The following DGCR2 variants were observed in gnomAD, a reference collection of about 807,000 sequenced individuals.
DGCR2 encodes the protein DiGeorge syndrome critical region gene 2.
A neutral mutation model predicts 51.6 loss-of-function variants in DGCR2; 24 were observed. The ratio of observed to expected loss-of-function variants is 0.47; its 90% CI spans 0.34 to 0.65. The LOEUF (loss-of-function observed/expected upper bound fraction) is 0.65, where lower values mean the gene tolerates loss of function less well. Among genes scored for constraint, DGCR2 ranks in the 30% least tolerant of loss-of-function variants. The probability of loss-of-function intolerance (pLI) is 0.01; values close to 1 mark genes in which losing one functional copy is unlikely to be tolerated. For missense variants in DGCR2, 765 were observed against 772.1 expected, an observed-to-expected ratio of 0.99 and a Z score of 0.11; for synonymous variants, 340 against 315.4, an observed-to-expected ratio of 1.08 and a Z score of -0.82.
intron 1 of DGCR2, among the ~76,000 whole-genome samples, chr22:19,094,826 C>T (rs182586093): frequency 3.9e-5 from 6 of 152,254 alleles, no homozygotes; most frequent in East Asian, 1.9e-4. Flanking sequence ...TAACACATTC[C>T]GCAGCATGGA....
intron 1 of DGCR2, among the ~76,000 whole-genome samples, chr22:19,092,197 A>C (rs1052707349): frequency 1.3e-5 from 2 of 152,140 alleles, no homozygotes; most frequent in Non-Finnish European, 2.9e-5. Context: ...TACAAAAATT[A>C]GCCAGGTGTG....
chr22:19,051,828 A>G (rs926074520), intron 6 of DGCR2, among the ~76,000 whole-genome samples: 16 of 152,250 alleles, frequency 1.1e-4, no homozygotes, highest in Non-Finnish European at 1.0e-4. Flanking sequence ...AAGAGGTTTT[A>G]ACATCAGTAG....
At chr22:19,076,256 G>A (rs572013057) in intron 2 of DGCR2, among the ~76,000 whole-genome samples, 4 of 149,414 alleles carry the variant, frequency 2.7e-5, no homozygotes, top group African/African-American at 7.7e-5. Context: ...CGCCTCCTGG[G>A]TTCAAGTGAT....
intron 1 of DGCR2, among the ~76,000 whole-genome samples, chr22:19,098,083 T>A (rs73158846): frequency 0.095 from 14,190 of 150,122 alleles, 721 homozygotes; most frequent in Middle Eastern, 0.15. Context: ...TCCAGACTTT[T>A]AAAAAAAAAA....
At chr22:19,043,665 G>A (rs2082457520) in intron 7 of DGCR2, among the ~76,000 whole-genome samples, 2 of 151,828 alleles carry the variant, frequency 1.3e-5, no homozygotes, top group Non-Finnish European at 2.9e-5. Flanking sequence ...AGCTAGGAAT[G>A]GCCACTCCCA....
In DGCR2 at chr22:19,095,530, G is replaced by A. The variant is rs945823265; in HGVS notation, c.80-6040C>T. Reference sequence around the variant, plus strand: ...CAAAAAATTAGCCGGGCGTGGTGGCGGGCGCCTGTAGTCCCAGCTACTCGG... The same window carrying A: ...CAAAAAATTAGCCGGGCGTGGTGGCAGGCGCCTGTAGTCCCAGCTACTCGG... On this transcript the variant is annotated intron_variant, in intron 1 of 9. Coordinates refer to ENST00000263196, the MANE Select transcript of DGCR2 (RefSeq NM_005137.3). Among the ~76,000 whole-genome samples, 11 of 151,662 alleles carry A rather than the reference G, an allele frequency of 7.3e-5. No homozygotes were observed. In the East Asian group the frequency reaches 1.2e-3, roughly 16 times the overall value.
At chr22:19,116,748 G>A (rs554244302) in intron 1 of DGCR2, among the ~76,000 whole-genome samples, 3 of 152,146 alleles carry the variant, frequency 2.0e-5, no homozygotes, top group African/African-American at 7.2e-5. Flanking sequence ...CAATCGGGTC[G>A]TCCTTATGCC....
chr22:19,093,998 C>A (rs979952711), intron 1 of DGCR2, among the ~76,000 whole-genome samples: 2 of 148,226 alleles, frequency 1.3e-5, no homozygotes, highest in Non-Finnish European at 3.0e-5. Context: ...AGCAAGACCT[C>A]CCCAACTCTA....
intron 1 of DGCR2, among the ~76,000 whole-genome samples, chr22:19,094,558 G>C (rs1010937536): frequency 2.0e-5 from 3 of 152,196 alleles, no homozygotes; most frequent in Non-Finnish European, 4.4e-5. Context: ...AAATGTAAAT[G>C]GTACAACTTC....
At chr22:19,053,260 A>G (rs2082568218) in intron 6 of DGCR2, among the ~76,000 whole-genome samples, 1 of 152,198 alleles carries the variant, frequency 6.6e-6, no homozygotes, top group African/African-American at 2.4e-5. Flanking sequence ...CTTAAGGCTC[A>G]GATACAGTTA....
At chr22:19,118,503 G>C (rs990442016) in intron 1 of DGCR2, among the ~76,000 whole-genome samples, 1 of 152,048 alleles carries the variant, frequency 6.6e-6, no homozygotes, top group South Asian at 2.1e-4. Flanking sequence ...AAAGAACCCT[G>C]AGCTAGCAGC....
intron 2 of DGCR2, among the ~76,000 whole-genome samples, chr22:19,086,253 G>T (rs1236674403): frequency 6.6e-6 from 1 of 151,954 alleles, no homozygotes; most frequent in Non-Finnish European, 1.5e-5. Context: ...CGAGGAGAGC[G>T]GATCACAAGG....
At chr22:19,058,592 T>C (rs2082628002) in intron 5 of DGCR2, among the ~76,000 whole-genome samples, 1 of 152,226 alleles carries the variant, frequency 6.6e-6, no homozygotes, top group Admixed American at 6.5e-5. Context: ...ATTTGCCTTC[T>C]TGTCCCGTGG....
chr22:19,037,709 T>C lies in DGCR2; in HGVS notation c.*1156A>G, dbSNP rs1022531814. ...CCGCTTAATCTCCAAACCTCAGAAA[T>C]GTTAAAGGCCCTGTGTCAGGCAACA... On this transcript the variant is annotated 3_prime_UTR_variant, in exon 10 of 10. Transcript: ENST00000263196. 1 of 152,188 alleles carries C rather than the reference T, an allele frequency of 6.6e-6. No homozygotes were observed. The highest frequency in any genetic ancestry group is 6.6e-5 in the Admixed American group (1 of 15,264). 9.4% of individuals were successfully genotyped at this position (152,188 alleles called of 1,614,324 possible). A position where few individuals can be genotyped will look rare whatever the true frequency, so the allele number is the denominator to read the frequency against.
chr22:19,101,056 A>T (rs1321536980), intron 1 of DGCR2, among the ~76,000 whole-genome samples: 1 of 152,148 alleles, frequency 6.6e-6, no homozygotes, highest in Admixed American at 6.5e-5. Context: ...CTTTGCAGTG[A>T]GCCGAGACTG....
At chr22:19,093,637 G>A (rs2146020574) in intron 1 of DGCR2, among the ~76,000 whole-genome samples, 2 of 152,206 alleles carry the variant, frequency 1.3e-5, no homozygotes, top group Middle Eastern at 6.8e-3. Flanking sequence ...ATCTGATAAA[G>A]GGCTTGCTTG....
chr22:19,058,931 G>A (rs1601525660), intron 5 of DGCR2, among the ~76,000 whole-genome samples: 1 of 152,380 alleles, frequency 6.6e-6, no homozygotes, highest in Middle Eastern at 3.4e-3. Flanking sequence ...CCTGCCCAGG[G>A]GAGCTGCTGG....
rs575898438 is a variant in DGCR2, at chr22:19,088,213, C to G, written c.202+1155G>C. ...AAGGAAGGAGAAAGGTCTCTGCCCC[C>G]TGGGAACTCATGGTCTGGATGGAAA... On this transcript the variant is annotated intron_variant, in intron 2 of 9. Transcript: ENST00000263196. 2.0e-5 allele frequency among the ~76,000 whole-genome samples: 3 copies of G among 152,304 alleles called. 1 individual carries two copies. The South Asian group carries it at 6.2e-4, about 32-fold the overall frequency.
chr22:19,101,256 G>A (rs2083198719), intron 1 of DGCR2, among the ~76,000 whole-genome samples: 1 of 152,200 alleles, frequency 6.6e-6, no homozygotes. Flanking sequence ...TCAAACAGAT[G>A]CTGGCACACC....
Sources: gnomAD v4.1 joint callset for allele counts (sites outside exome capture counted in the v4.1 genomes callset) on GRCh38, gnomAD v4.1.1 for gene constraint, MANE v1.5 for transcripts, NCBI Gene and HGNC (gene_info 2026-07-23, HGNC 2026-07-21) for gene names.